DMXL1: variants seen among roughly 807,000 people sequenced by gnomAD.
DMXL1 encodes the protein dmX-like protein 1.
A neutral mutation model predicts 319.2 loss-of-function variants in DMXL1; 99 were observed. The ratio of observed to expected loss-of-function variants is 0.31; its 90% confidence interval spans 0.26 to 0.37. DMXL1 has a LOEUF of 0.37. Among genes scored for constraint, DMXL1 ranks in the 10% least tolerant of loss-of-function variants. The pLI is 1.00. For synonymous variants in DMXL1, 1,385 were observed against 1,235.2 expected (o/e 1.12, Z -2.54); for missense variants, 3,745 against 3,595.6 (o/e 1.04, Z -1.06).
chr5:119,159,830 G>A (rs932821121), intron 19 of DMXL1, among the ~76,000 whole-genome samples: 1 of 152,132 alleles, frequency 6.6e-6, no homozygotes, highest in Non-Finnish European at 1.5e-5. Context: ...TGCCATGTTG[G>A]CCAGGCTGGT....
At chr5:119,208,370 C>T (rs1258454517) in intron 34 of DMXL1, among the ~76,000 whole-genome samples, 1 of 151,990 alleles carries the variant, frequency 6.6e-6, no homozygotes, top group Non-Finnish European at 1.5e-5. Flanking sequence ...TGGGCCACCA[C>T]ATCCAGCCAA....
intron 32 of DMXL1, among the ~76,000 whole-genome samples, chr5:119,199,446 G>C (rs74743188): frequency 0.06 from 9,194 of 152,198 alleles, 845 homozygotes; most frequent in African/African-American, 0.2. Context: ...ATCTGTACCA[G>C]ATTTTCTTTA....
chr5:119,130,435 C>T lies in DMXL1; in HGVS notation c.1315+1012C>T, dbSNP rs543738724. ...TTGGCTCACTGCAGCCTCCACCTCC[C>T]GGGTTCAAGCAATTCTCCTGCCTCA... On this transcript the variant is annotated intron_variant, in intron 10 of 43. Transcript: ENST00000539542. Among the ~76,000 whole-genome samples, 59 of 152,174 alleles carry T rather than the reference C, an allele frequency of 3.9e-4. 1 individual carries two copies. The South Asian group carries it at 8.7e-3, about 22-fold the overall frequency.
rs773173770 is a variant in DMXL1, at chr5:119,071,644, C to T, written c.75C>T (p.Asp25=). The T allele has an allele frequency of 8.8e-6, 14 of 1,590,560 alleles. No individual in the cohort carries two copies. Among genetic ancestry groups the T allele is most frequent in the Non-Finnish European group, 1.2e-5 (14 of 1,168,900 alleles). Residue 25 remains aspartate, a synonymous_variant, in exon 1 of 44, where the codon GAC becomes GAT. Transcript: ENST00000539542. ...DHCFSVGSIG[D]QRFTAYASGC... The stretch of plus-strand genomic sequence containing the variant: ...GCTTCTCCGTGGGCAGCATTGGCGA[C>T]CAGCGCTTCACGGTGAGTGAGGGAG...
At position 119,144,838 on chromosome 5, in the gene DMXL1, T is replaced by C. The variant is rs1267562197; in HGVS notation, c.2569+200T>C. ...AAATACGAACAAAATTAAAGGGGCA[T>C]CTTGGTTGTATGTTTTTTAAACTGC... On this transcript the variant is annotated intron_variant, in intron 15 of 43. Transcript: ENST00000539542. 5.3e-5 allele frequency among the ~76,000 whole-genome samples: 8 copies of C among 151,880 alleles called. No individual in the cohort carries two copies. The East Asian group carries it at 1.2e-3, about 22-fold the overall frequency.
chr5:119,112,164 T>C (rs887899533), intron 5 of DMXL1, among the ~76,000 whole-genome samples: 1 of 152,162 alleles, frequency 6.6e-6, no homozygotes, highest in African/African-American at 2.4e-5. Flanking sequence ...GGTTTCACCA[T>C]GTTAGCCATG....
In DMXL1 at chr5:119,133,309, C is replaced by G; in HGVS notation, c.1493C>G (p.Pro498Arg). 6.2e-7 allele frequency: 1 copy of G among 1,613,996 alleles called. No homozygotes were observed. The highest frequency in any genetic ancestry group is 8.5e-7 in the Non-Finnish European group (1 of 1,179,988). Residue 498 changes from proline (P) to arginine (R), a missense_variant, in exon 11 of 44, where the codon CCC becomes CGC. By Grantham distance (103) the Pro-to-Arg change is moderately radical. Coordinates refer to ENST00000539542, the MANE Select transcript of DMXL1 (RefSeq NM_001290321.3). The stretch of plus-strand genomic sequence containing the variant: ...GCAGATATGCTATTTAGTATTCATC[C>G]CATGGATGGTTCTTTGCTAGTTTGG... Reference protein sequence around the residue: ...KNADMLFSIHPMDGSLLVWHV... With the variant: ...KNADMLFSIHRMDGSLLVWHV...
chr5:119,217,536 C>T (rs1261861496), intron 35 of DMXL1, among the ~76,000 whole-genome samples: 1 of 152,138 alleles, frequency 6.6e-6, no homozygotes, highest in African/African-American at 2.4e-5. Flanking sequence ...TCATTTTCCC[C>T]TTCTGTCTCC....
At position 119,196,442 on chromosome 5, in the gene DMXL1, G is replaced by A; in HGVS notation, c.7529G>A (p.Gly2510Asp). The A allele has an allele frequency of 6.2e-7, 1 of 1,612,188 alleles. No homozygotes were observed. Residue 2510 changes from glycine to aspartate, a missense_variant, in exon 31 of 44, where the codon GGT becomes GAT. Physicochemically the swap from Gly to Asp is moderately conservative, Grantham distance 94. Coordinates refer to ENST00000539542, the MANE Select transcript of DMXL1 (RefSeq NM_001290321.3). Reference sequence around the variant, plus strand: ...TTGAAGACTTTTTATCCCTTCGCAGGTCATGATCTTGCAGGTAATAAATAG... The same window carrying A: ...TTGAAGACTTTTTATCCCTTCGCAGATCATGATCTTGCAGGTAATAAATAG... Reference protein sequence around the residue: ...NNLKTFYPFAGHDLAELPVSS... With the variant: ...NNLKTFYPFADHDLAELPVSS...
intron 34 of DMXL1, among the ~76,000 whole-genome samples, chr5:119,207,550 G>A (rs533557979): frequency 4.6e-4 from 70 of 152,142 alleles, no homozygotes; most frequent in African/African-American, 1.6e-3. Context: ...ACGGAGTTTC[G>A]CTCTTTTGCC....
At chr5:119,226,532 C>A (rs1382850072) in intron 38 of DMXL1, among the ~76,000 whole-genome samples, 4 of 152,140 alleles carry the variant, frequency 2.6e-5, no homozygotes, top group Non-Finnish European at 4.4e-5. Flanking sequence ...AGTTCTGATA[C>A]CAGATGTGTT....
At chr5:119,169,051 G>A (rs1774024284) in intron 23 of DMXL1, among the ~76,000 whole-genome samples, 1 of 152,002 alleles carries the variant, frequency 6.6e-6, no homozygotes, top group Admixed American at 6.6e-5. Context: ...ACAGGTGTGT[G>A]CCACCATGCC....
intron 9 of DMXL1, 152 bp from the exon 10 acceptor site, chr5:119,129,059 A>G (rs1489899965): frequency 3.3e-6 from 2 of 605,606 alleles, no homozygotes; most frequent in South Asian, 4.7e-5. Flanking sequence ...TCTGTCTCAA[A>G]AAAACAAAAT....
At chr5:119,076,278 A>ATAAG in intron 1 of DMXL1, among the ~76,000 whole-genome samples, 1 of 152,332 alleles carries the variant, frequency 6.6e-6, no homozygotes, top group South Asian at 2.1e-4. Flanking sequence ...ATAGGGCTGA[A>ATAAG]TAAGTAGTCG....
At chr5:119,100,822 C>T (rs542049004) in intron 2 of DMXL1, among the ~76,000 whole-genome samples, 119 of 130,742 alleles carry the variant, frequency 9.1e-4, no homozygotes, top group African/African-American at 2.8e-3. Context: ...CTTTGTCGCC[C>T]AGGCTGGAGT....
rs1024864251 is a variant in DMXL1, at chr5:119,079,862, G to T, written c.87+8206G>T. Among the ~76,000 whole-genome samples, 60 of 152,214 alleles carry T rather than the reference G, an allele frequency of 3.9e-4. 1 individual carries two copies. The highest frequency in any genetic ancestry group is 1.4e-3 in the African/African-American group (59 of 41,532). ...AACCCCACCCTCTTAGTCATTCTCA[G>T]TGTTCTTTGCAAGATATCTTTCTTG... On this transcript the variant is annotated intron_variant, in intron 1 of 43. Coordinates refer to ENST00000539542, the MANE Select transcript of DMXL1 (RefSeq NM_001290321.3).
chr5:119,158,206 T>G (rs998726253), intron 19 of DMXL1, among the ~76,000 whole-genome samples: 21 of 134,810 alleles, frequency 1.6e-4, no homozygotes, highest in Non-Finnish European at 4.9e-5. Context: ...ATTTCTAAGG[T>G]TTTTTTTTTT....
rs1762150235 is a variant in DMXL1, at chr5:119,121,899, C to A, written c.1102+760C>A. ...CTCACCTCCTGGACGGGGCGGCTGG[C>A]CGGGCGGGGGGCTGACCCCCCCCAC... On this transcript the variant is annotated intron_variant, in intron 9 of 43. Coordinates refer to ENST00000539542, the MANE Select transcript of DMXL1 (RefSeq NM_001290321.3). 2.0e-5 allele frequency among the ~76,000 whole-genome samples: 3 copies of A among 149,814 alleles called. No individual in the cohort carries two copies. In the South Asian group the frequency reaches 6.3e-4, roughly 32 times the overall value.
chr5:119,172,739 T>G (rs539680270), intron 25 of DMXL1, among the ~76,000 whole-genome samples: 16 of 151,576 alleles, frequency 1.1e-4, no homozygotes, highest in African/African-American at 3.4e-4. Flanking sequence ...GTGGTTTTTG[T>G]TTTTTTTTAA....
Sources: gnomAD v4.1 joint callset for allele counts (sites outside exome capture counted in the v4.1 genomes callset) on GRCh38, gnomAD v4.1.1 for gene constraint, MANE v1.5 for transcripts, NCBI Gene and HGNC (gene_info 2026-07-23, HGNC 2026-07-21) for gene names.